The following LCLAT1 variants were observed in gnomAD, a reference collection of about 807,000 sequenced individuals.
LCLAT1 encodes the protein lysocardiolipin acyltransferase 1.
LCLAT1 carries 11 observed loss-of-function variants against 30.7 expected under a neutral mutation model. The observed-to-expected ratio is 0.36, with a 90% CI of 0.23 to 0.59. LCLAT1 has a LOEUF of 0.59. Among genes scored for constraint, LCLAT1 ranks in the 20% least tolerant of loss-of-function variants. The pLI is 0.77. For synonymous variants in LCLAT1, 155 were observed against 151.3 expected, an observed-to-expected ratio of 1.02 and a Z score of -0.18; for missense variants, 402 against 458.6, an observed-to-expected ratio of 0.88 and a Z score of 1.13.
intron 1 of LCLAT1, among the ~76,000 whole-genome samples, chr2:30,475,128 G>T (rs1368578784): frequency 2.0e-5 from 3 of 151,556 alleles, no homozygotes; most frequent in Admixed American, 2.0e-4. Flanking sequence ...CTTCCAAGCA[G>T]CTGGGATTAC....
intron 1 of LCLAT1, among the ~76,000 whole-genome samples, chr2:30,451,557 G>A (rs1310303213): frequency 1.3e-5 from 2 of 151,624 alleles, no homozygotes; most frequent in African/African-American, 2.4e-5. Flanking sequence ...ATGAAACACT[G>A]CAGAACCTAT....
chr2:30,584,159 G>C (rs921026129), intron 5 of LCLAT1, among the ~76,000 whole-genome samples: 3 of 152,190 alleles, frequency 2.0e-5, no homozygotes, highest in African/African-American at 7.2e-5. Flanking sequence ...CATCTTCTTG[G>C]ATCCCGTCAG....
chr2:30,499,543 G>A (rs920776137), intron 1 of LCLAT1, among the ~76,000 whole-genome samples: 1 of 152,128 alleles, frequency 6.6e-6, no homozygotes, highest in Non-Finnish European at 1.5e-5. Flanking sequence ...AAAGAGTTTC[G>A]TGGTCCAGAA....
At chr2:30,490,139 A>G (rs1317138603) in intron 1 of LCLAT1, among the ~76,000 whole-genome samples, 1 of 151,980 alleles carries the variant, frequency 6.6e-6, no homozygotes, top group Non-Finnish European at 1.5e-5. Context: ...TAAGTGGCCA[A>G]GCTAGGATTC....
intron 5 of LCLAT1, 117 bp from the exon 6 acceptor site, chr2:30,640,000 A>G: frequency 1.4e-6 from 1 of 738,654 alleles, no homozygotes; most frequent in East Asian, 2.5e-5. Context: ...TTGTTTGTTC[A>G]TTGTGGTTCA....
At chr2:30,466,452 G>A (rs2148283133) in intron 1 of LCLAT1, among the ~76,000 whole-genome samples, 1 of 151,604 alleles carries the variant, frequency 6.6e-6, no homozygotes, top group Admixed American at 6.6e-5. Context: ...TTCTATTTTT[G>A]TTTTTTAATC....
chr2:30,574,634 A>G (rs1281455116), intron 5 of LCLAT1, among the ~76,000 whole-genome samples: 1 of 152,234 alleles, frequency 6.6e-6, no homozygotes, highest in African/African-American at 2.4e-5. Flanking sequence ...AGAGTGTCTC[A>G]ACTCTAAAGG....
At chr2:30,447,610 A>T (rs1229656124) in intron 1 of LCLAT1, 1 of 150,080 alleles carries the variant, frequency 6.7e-6, no homozygotes, top group African/African-American at 2.5e-5. Context: ...CGGGGAAGCG[A>T]CTCCTGGAGG....
At chr2:30,448,566 A>C (rs1454100546) in intron 1 of LCLAT1, among the ~76,000 whole-genome samples, 1 of 152,226 alleles carries the variant, frequency 6.6e-6, no homozygotes, top group African/African-American at 2.4e-5. Context: ...AATAGCTGCA[A>C]TCTCTGGAGT....
chr2:30,579,387 G>A (rs528302241), intron 5 of LCLAT1, among the ~76,000 whole-genome samples: 7 of 152,242 alleles, frequency 4.6e-5, no homozygotes, highest in Admixed American at 4.6e-4. Context: ...TGAATCTTCT[G>A]TAAGTCCTAT....
intron 3 of LCLAT1, among the ~76,000 whole-genome samples, chr2:30,535,902 A>G (rs747873542): frequency 4.6e-5 from 7 of 152,190 alleles, no homozygotes; most frequent in Non-Finnish European, 1.0e-4. Context: ...ACACAGATAA[A>G]GTATTCAACA....
intron 1 of LCLAT1, among the ~76,000 whole-genome samples, chr2:30,475,440 A>G (rs915599569): frequency 2.6e-5 from 4 of 152,232 alleles, no homozygotes; most frequent in Non-Finnish European, 4.4e-5. Context: ...TGTAACCGTT[A>G]AAATTGCATA....
At chr2:30,621,309 C>A (rs1668236901) in intron 5 of LCLAT1, among the ~76,000 whole-genome samples, 1 of 152,082 alleles carries the variant, frequency 6.6e-6, no homozygotes, top group Non-Finnish European at 1.5e-5. Context: ...TATATTGAGG[C>A]CTCAATCTCC....
chr2:30,632,680 A>C (rs1461488307), intron 5 of LCLAT1, among the ~76,000 whole-genome samples: 1 of 152,236 alleles, frequency 6.6e-6, no homozygotes, highest in Non-Finnish European at 1.5e-5. Flanking sequence ...GTATGTGCCC[A>C]ACACTTCTCT....
At chr2:30,542,938 A>G (rs1172833278) in intron 3 of LCLAT1, among the ~76,000 whole-genome samples, 1 of 142,686 alleles carries the variant, frequency 7.0e-6, no homozygotes, top group Non-Finnish European at 1.5e-5. Flanking sequence ...TAATTTTAAT[A>G]TTCGACTTTT....
chr2:30,593,477 G>A (rs1666785070), intron 5 of LCLAT1, among the ~76,000 whole-genome samples: 1 of 152,138 alleles, frequency 6.6e-6, no homozygotes, highest in Non-Finnish European at 1.5e-5. Flanking sequence ...TTGAAATCAA[G>A]CAGTGTGGTG....
rs72798172 is a variant in LCLAT1, at chr2:30,580,558, G to A, written c.628+12382G>A. Among the ~76,000 whole-genome samples, 957 of 152,266 alleles carry A rather than the reference G, an allele frequency of 6.3e-3. 3 individuals carry two copies. The highest frequency in any genetic ancestry group is 0.011 in the Non-Finnish European group (770 of 68,002). ...CTGCTACAGGGAGTTTCCTGATGAA[G>A]CGGAGAGGGCTGGGGTGTAGACAAC... On this transcript the variant is annotated intron_variant, in intron 5 of 5. Transcript: ENST00000379509.
chr2:30,573,072 T>C (rs934731902), intron 5 of LCLAT1, among the ~76,000 whole-genome samples: 4 of 152,194 alleles, frequency 2.6e-5, no homozygotes, highest in Non-Finnish European at 5.9e-5. Context: ...GGTTTTTAAT[T>C]GTAAAAACAG....
intron 5 of LCLAT1, among the ~76,000 whole-genome samples, chr2:30,583,542 A>T (rs1370976312): frequency 1.3e-5 from 2 of 152,220 alleles, no homozygotes; most frequent in African/African-American, 4.8e-5. Flanking sequence ...TGGCAAGATA[A>T]TGCTGAAACA....
Sources: gnomAD v4.1 joint callset for allele counts (sites outside exome capture counted in the v4.1 genomes callset) on GRCh38, gnomAD v4.1.1 for gene constraint, MANE v1.5 for transcripts, NCBI Gene and HGNC (gene_info 2026-07-23, HGNC 2026-07-21) for gene names.